KCNIP4: variants seen among roughly 807,000 people sequenced by gnomAD.
The protein encoded by KCNIP4 is Kv channel-interacting protein 4.
Under a neutral mutation model 34.0 loss-of-function variants are expected in KCNIP4, and 12 were observed. That is an observed-to-expected ratio of 0.35 (90% confidence interval 0.23 to 0.57). KCNIP4 has a LOEUF of 0.57. Ranked by LOEUF, KCNIP4 falls within the 20% of genes least tolerant of loss-of-function variation. KCNIP4 has a pLI of 0.83. For synonymous variants in KCNIP4, 124 were observed against 102.2 expected, an observed-to-expected ratio of 1.21 and a Z score of -1.29; for missense variants, 238 against 311.7, an observed-to-expected ratio of 0.76 and a Z score of 1.78.
At chr4:20,841,205 TAAA>T (rs1418127761) in intron 3 of KCNIP4, among the ~76,000 whole-genome samples, 1 of 152,194 alleles carries the variant, frequency 6.6e-6, no homozygotes, top group Non-Finnish European at 1.5e-5. Flanking sequence ...TGAGAGAAGA[TAAA>T]AATTTTATTG....
chr4:21,540,863 A>G (rs1737624524), intron 1 of KCNIP4, among the ~76,000 whole-genome samples: 1 of 151,970 alleles, frequency 6.6e-6, no homozygotes, highest in Admixed American at 6.6e-5. Flanking sequence ...TTAAAGCATC[A>G]CTCATGACCA....
chr4:21,102,156 T>G (rs1748003764), intron 1 of KCNIP4, among the ~76,000 whole-genome samples: 1 of 152,214 alleles, frequency 6.6e-6, no homozygotes, highest in South Asian at 2.1e-4. Flanking sequence ...TGATTCTCTT[T>G]CAACTATTGT....
intron 5 of KCNIP4, among the ~76,000 whole-genome samples, 194 bp downstream of exon 5, chr4:20,749,468 A>ATAT (rs1753172802): frequency 6.6e-6 from 1 of 152,190 alleles, no homozygotes; most frequent in Non-Finnish European, 1.5e-5. Flanking sequence ...ATAAAGCATT[A>ATAT]GAAAATAAAC....
At chr4:21,589,089 A>C (rs1396291310) in intron 1 of KCNIP4, among the ~76,000 whole-genome samples, 8 of 145,868 alleles carry the variant, frequency 5.5e-5, no homozygotes, top group Admixed American at 4.8e-4. Flanking sequence ...GATTACTATA[A>C]AATAGTCTAA....
intron 2 of KCNIP4, among the ~76,000 whole-genome samples, chr4:20,869,707 A>G (rs1723242885): frequency 6.6e-6 from 1 of 152,156 alleles, no homozygotes; most frequent in Admixed American, 6.6e-5. Context: ...AAGAGATTGA[A>G]TTACTGGCAG....
At chr4:20,941,945 G>A (rs1731683828) in intron 1 of KCNIP4, among the ~76,000 whole-genome samples, 1 of 152,172 alleles carries the variant, frequency 6.6e-6, no homozygotes. Flanking sequence ...CACAATATAT[G>A]CATTGAGGGC....
intron 4 of KCNIP4, among the ~76,000 whole-genome samples, 175 bp from the exon 5 acceptor site, chr4:20,749,907 AG>A (rs1458922991): frequency 6.6e-6 from 1 of 152,204 alleles, no homozygotes; most frequent in African/African-American, 2.4e-5. Flanking sequence ...TGAGATTCAC[AG>A]GAAGAAGCAA....
At chr4:21,383,351 G>C (rs1309193655) in intron 1 of KCNIP4, among the ~76,000 whole-genome samples, 1 of 151,792 alleles carries the variant, frequency 6.6e-6, no homozygotes, top group South Asian at 2.1e-4. Flanking sequence ...GTGGGGAACA[G>C]AGATAAAGGT....
At chr4:20,925,400 G>A (rs1401996573) in intron 1 of KCNIP4, among the ~76,000 whole-genome samples, 7 of 152,122 alleles carry the variant, frequency 4.6e-5, no homozygotes, top group African/African-American at 1.7e-4. Context: ...CAGTAAAGAA[G>A]CCAGCTAAAA....
intron 1 of KCNIP4, among the ~76,000 whole-genome samples, chr4:21,138,323 T>C (rs2109198890): frequency 6.6e-6 from 1 of 152,324 alleles, no homozygotes; most frequent in African/African-American, 2.4e-5. Flanking sequence ...ATTTTTCTTA[T>C]TGTACTTATA....
intron 1 of KCNIP4, among the ~76,000 whole-genome samples, chr4:21,718,300 A>G (rs1267463624): frequency 2.0e-5 from 3 of 152,132 alleles, no homozygotes; most frequent in Admixed American, 1.3e-4. Context: ...GTGAAACACT[A>G]TGTTACCTAA....
intron 1 of KCNIP4, among the ~76,000 whole-genome samples, chr4:21,569,658 G>A (rs1270137515): frequency 1.3e-5 from 2 of 152,072 alleles, no homozygotes; most frequent in Non-Finnish European, 2.9e-5. Flanking sequence ...ATCAGAGTCT[G>A]GTGTTTTAGA....
At chr4:21,263,581 C>T (rs1008748328) in intron 1 of KCNIP4, among the ~76,000 whole-genome samples, 1 of 152,192 alleles carries the variant, frequency 6.6e-6, no homozygotes, top group African/African-American at 2.4e-5. Flanking sequence ...ACCTTCAAAT[C>T]GGCACCACCA....
intron 1 of KCNIP4, among the ~76,000 whole-genome samples, chr4:21,410,074 A>G (rs1577319050): frequency 1.3e-5 from 2 of 152,334 alleles, no homozygotes; most frequent in Non-Finnish European, 2.9e-5. Context: ...TACAGTAAAT[A>G]CACTGCAGAG....
chr4:20,748,531 C>T (rs1311666476), intron 5 of KCNIP4, among the ~76,000 whole-genome samples: 1 of 146,398 alleles, frequency 6.8e-6, no homozygotes, highest in Non-Finnish European at 1.5e-5. Context: ...TCCTTCCTCA[C>T]TTCCAAAAAT....
chr4:21,681,273 A>T (rs904218630), intron 1 of KCNIP4, among the ~76,000 whole-genome samples: 2 of 141,890 alleles, frequency 1.4e-5, no homozygotes, highest in Non-Finnish European at 3.1e-5. Flanking sequence ...GCTAATTTTA[A>T]TTTTTTTTTT....
chr4:21,189,208 A>C (rs771901048), intron 1 of KCNIP4, among the ~76,000 whole-genome samples: 1 of 152,322 alleles, frequency 6.6e-6, no homozygotes, highest in African/African-American at 2.4e-5. Flanking sequence ...TAGTGGATAC[A>C]TGTAGAATTA....
chr4:21,791,999 T>C (rs1197206798), intron 1 of KCNIP4, among the ~76,000 whole-genome samples: 2 of 21,734 alleles, frequency 9.2e-5, no homozygotes, highest in Non-Finnish European at 1.3e-4. Context: ...AGACTCCGTC[T>C]CAAAAAAAAA....
At chr4:21,041,463 C>T (rs186727290) in intron 1 of KCNIP4, among the ~76,000 whole-genome samples, 13 of 152,184 alleles carry the variant, frequency 8.5e-5, no homozygotes, top group South Asian at 8.3e-4. Context: ...AAAGTAGCCA[C>T]GTAAAACAAT....
Sources: gnomAD v4.1 joint callset for allele counts (sites outside exome capture counted in the v4.1 genomes callset) on GRCh38, gnomAD v4.1.1 for gene constraint, MANE v1.5 for transcripts, NCBI Gene and HGNC (gene_info 2026-07-23, HGNC 2026-07-21) for gene names.